The following CHODL variants were observed in gnomAD, a reference collection of about 807,000 sequenced individuals.
CHODL encodes chondrolectin.
Under a neutral mutation model 34.5 loss-of-function variants are expected in CHODL, and 29 were observed. The ratio of observed to expected loss-of-function variants is 0.84; its 90% CI spans 0.63 to 1.15. The LOEUF (loss-of-function observed/expected upper bound fraction) is 1.15. CHODL is among the 50% of genes most tolerant of loss of function. The pLI is 0.00. For synonymous variants in CHODL, 125 were observed against 116.1 expected, an observed-to-expected ratio of 1.08 and a Z score of -0.49; for missense variants, 332 against 332.5, an observed-to-expected ratio of 1.00 and a Z score of 0.01.
chr21:18,081,224 G>GT, intron 2 of CHODL, among the ~76,000 whole-genome samples: 1 of 152,120 alleles, frequency 6.6e-6, no homozygotes, highest in African/African-American at 2.4e-5. Flanking sequence ...AAATCTAAGA[G>GT]TTTTTTGGTG....
At chr21:17,979,007 G>T (rs2063693422) in intron 1 of CHODL, among the ~76,000 whole-genome samples, 1 of 152,108 alleles carries the variant, frequency 6.6e-6, no homozygotes, top group African/African-American at 2.4e-5. Flanking sequence ...ACTTTCCTTT[G>T]CTTTCCTCTT....
At chr21:18,253,324 T>A (rs901780261) in intron 1 of CHODL, among the ~76,000 whole-genome samples, 1 of 152,094 alleles carries the variant, frequency 6.6e-6, no homozygotes, top group African/African-American at 2.4e-5. Context: ...TGTTTTTTTT[T>A]AATATGACAT....
intron 2 of CHODL, among the ~76,000 whole-genome samples, chr21:18,097,515 A>T (rs930310820): frequency 6.6e-6 from 1 of 152,060 alleles, no homozygotes; most frequent in Non-Finnish European, 1.5e-5. Context: ...TTAGCCATGA[A>T]AGTGAAAGAT....
At chr21:18,036,160 A>T (rs910052821) in intron 2 of CHODL, among the ~76,000 whole-genome samples, 1 of 151,986 alleles carries the variant, frequency 6.6e-6, no homozygotes, top group East Asian at 1.9e-4. Context: ...AGGGCCAATT[A>T]TCCTTTATTA....
At chr21:17,998,133 A>T (rs2063869300) in intron 1 of CHODL, among the ~76,000 whole-genome samples, 1 of 152,180 alleles carries the variant, frequency 6.6e-6, no homozygotes, top group Non-Finnish European at 1.5e-5. Context: ...AAATGGGAGA[A>T]ATTGGCCAAA....
intron 1 of CHODL, among the ~76,000 whole-genome samples, chr21:17,920,656 G>A (rs1049656367): frequency 1.4e-4 from 21 of 152,124 alleles, no homozygotes; most frequent in African/African-American, 5.1e-4. Context: ...TTTTTGAGAC[G>A]GTGCTTGGCA....
At chr21:18,031,736 G>C (rs2560725) in intron 2 of CHODL, among the ~76,000 whole-genome samples, 20,878 of 151,952 alleles carry the variant, frequency 0.14, 1,507 homozygotes, top group Middle Eastern at 0.23. Flanking sequence ...AATAGCTGTT[G>C]AGTCCACTAA....
At chr21:18,047,148 A>G (rs149781) in intron 2 of CHODL, among the ~76,000 whole-genome samples, 89,588 of 151,818 alleles carry the variant, frequency 0.59, 27,230 homozygotes, top group East Asian at 0.88. Context: ...GAAAATCTGG[A>G]CTTATGGATG....
At chr21:18,014,011 G>A (rs1193014741) in intron 1 of CHODL, among the ~76,000 whole-genome samples, 1 of 152,112 alleles carries the variant, frequency 6.6e-6, no homozygotes, top group East Asian at 1.9e-4. Context: ...TTTTGGGGAT[G>A]GATATGAAGG....
intron 2 of CHODL, among the ~76,000 whole-genome samples, chr21:18,108,659 C>T (rs2065305631): frequency 6.6e-6 from 1 of 152,124 alleles, no homozygotes; most frequent in African/African-American, 2.4e-5. Context: ...AAATCCTATA[C>T]AGATAGGATC....
intron 2 of CHODL, among the ~76,000 whole-genome samples, chr21:18,183,386 A>G (rs373833069): frequency 3.3e-5 from 5 of 152,190 alleles, no homozygotes; most frequent in East Asian, 1.9e-4. Flanking sequence ...ATTGTGGCAA[A>G]CTGTCTTCTA....
intron 3 of CHODL, 25 bp downstream of exon 3, chr21:18,257,152 A>G (rs1207454149): frequency 7.0e-6 from 11 of 1,581,234 alleles, no homozygotes; most frequent in Admixed American, 1.8e-5. Flanking sequence ...AAGAAGGTAT[A>G]GAAGATTTTG....
rs775480480 is a variant in CHODL at position 17,976,579 on chromosome 21, A to ATACC, written c.-144-51292_-144-51291insACCT. 3.9e-5 allele frequency among the ~76,000 whole-genome samples: 6 copies of ATACC among 152,308 alleles called. 1 individual carries two copies. Among genetic ancestry groups the ATACC allele is most frequent in the Admixed American group, 1.3e-4 (2 of 15,296 alleles). On this transcript the variant is annotated intron_variant, in intron 1 of 6. Coordinates refer to the CHODL transcript ENST00000400127. ...AAATTCAAAATCATTATTGGTAATT[A>ATACC]TTTTCTAACAGCCCTTTAACTATAA...
intron 2 of CHODL, among the ~76,000 whole-genome samples, chr21:18,148,358 A>G (rs1255057466): frequency 6.6e-6 from 1 of 152,208 alleles, no homozygotes; most frequent in Non-Finnish European, 1.5e-5. Context: ...AAATAACTAA[A>G]CACTTCTTTC....
At chr21:17,976,855 TGGTAAGCACA>T (rs1460795564) in intron 1 of CHODL, among the ~76,000 whole-genome samples, 14 of 152,214 alleles carry the variant, frequency 9.2e-5, no homozygotes, top group Admixed American at 8.5e-4. Context: ...TGTGAGTCAT[TGGTAAGCACA>T]GTGGTGGTGT....
At chr21:18,079,626 A>G (rs1042771062) in intron 2 of CHODL, among the ~76,000 whole-genome samples, 4 of 151,308 alleles carry the variant, frequency 2.6e-5, no homozygotes, top group African/African-American at 9.7e-5. Context: ...TACCATATGT[A>G]TATCACATTT....
chr21:18,128,732 T>C (rs1268475207), intron 2 of CHODL, among the ~76,000 whole-genome samples: 4 of 152,172 alleles, frequency 2.6e-5, no homozygotes, highest in African/African-American at 7.2e-5. Flanking sequence ...TTAATCTGTT[T>C]TTTTTCTCCG....
chr21:18,108,903 T>C lies in CHODL; in HGVS notation c.-45+80932T>C, dbSNP rs542974086. Among the ~76,000 whole-genome samples, 180 of 151,990 alleles carry C rather than the reference T, an allele frequency of 1.2e-3. 1 individual carries two copies. Among genetic ancestry groups the C allele is most frequent in the African/African-American group, 4.0e-3 (166 of 41,466 alleles). ...CTAACTTTTTCTTTCTCGCACTATT[T>C]TGTATCATGTAGTGTGGTGGTGGTT... is the stretch of plus-strand genomic sequence containing the variant. On this transcript the variant is annotated intron_variant, in intron 2 of 6. Transcript: ENST00000400127.
intron 2 of CHODL, among the ~76,000 whole-genome samples, chr21:18,106,792 G>C (rs551529413): frequency 4.1e-4 from 62 of 152,274 alleles, no homozygotes; most frequent in African/African-American, 1.4e-3. Flanking sequence ...ACCACACCCA[G>C]CCTAGATCTT....
Sources: gnomAD v4.1 joint callset for allele counts (sites outside exome capture counted in the v4.1 genomes callset) on GRCh38, gnomAD v4.1.1 for gene constraint, MANE v1.5 for transcripts, NCBI Gene and HGNC (gene_info 2026-07-23, HGNC 2026-07-21) for gene names.